Variants in FNDC3B observed in about 807,000 individuals in gnomAD.
The protein encoded by FNDC3B is fibronectin type III domain-containing protein 3B.
In FNDC3B, 12 loss-of-function variants were observed where a neutral mutation model predicts 151.5. That is an observed-to-expected ratio of 0.08 (90% CI 0.05 to 0.13). FNDC3B has a LOEUF of 0.13. Ranked by LOEUF, FNDC3B falls within the 10% of genes least tolerant of loss-of-function variation. FNDC3B has a pLI of 1.00. For missense variants in FNDC3B, 1,214 were observed against 1,505.3 expected (o/e 0.81, Z 3.20); for synonymous variants, 528 against 549.0 (o/e 0.96, Z 0.54).
At chr3:172,244,637 T>G (rs1327070193) in intron 4 of FNDC3B, among the ~76,000 whole-genome samples, 1 of 142,674 alleles carries the variant, frequency 7.0e-6, no homozygotes, top group Non-Finnish European at 1.5e-5. Context: ...TTTTTTTTTT[T>G]TTTTTGAGTC....
In FNDC3B at chr3:172,137,924, C is replaced by T. The variant is rs370648485; in HGVS notation, c.187+4378C>T. 3.9e-5 allele frequency among the ~76,000 whole-genome samples: 6 copies of T among 152,192 alleles called. No individual in the cohort carries two copies. In the East Asian group the frequency reaches 7.7e-4, roughly 20 times the overall value. ...GAGCTAATTGTTAGGAAAAAAGAAT[C>T]TTAGCAATCAGTATGAATTTTGCCT... On this transcript the variant is annotated intron_variant, in intron 3 of 25. Transcript: ENST00000415807.
At chr3:172,199,216 G>A (rs1174590712) in intron 3 of FNDC3B, among the ~76,000 whole-genome samples, 1 of 148,802 alleles carries the variant, frequency 6.7e-6, no homozygotes, top group Non-Finnish European at 1.5e-5. Flanking sequence ...GAGTCTCGCT[G>A]TCGCCCAGGC....
rs760727962 is a variant in FNDC3B, at chr3:172,329,087, T to C, written c.1379+11T>C. The C allele has an allele frequency of 2.5e-6, 4 of 1,603,068 alleles. 1 individual carries two copies. In the South Asian group the frequency reaches 4.5e-5, roughly 18 times the overall value. Reference sequence around the variant, plus strand: ...CGACATTGGTACCAGGTATGACGTTTCCTTGTCCTCTTGCCCTTCAGCCTT... The same window carrying C: ...CGACATTGGTACCAGGTATGACGTTCCCTTGTCCTCTTGCCCTTCAGCCTT... On this transcript the variant is annotated intron_variant, in intron 12 of 25. Transcript: ENST00000415807.
At chr3:172,052,170 C>T (rs556989415) in intron 1 of FNDC3B, among the ~76,000 whole-genome samples, 6 of 151,370 alleles carry the variant, frequency 4.0e-5, no homozygotes, top group South Asian at 2.1e-4. Flanking sequence ...CTGCAGCCTC[C>T]GCCTCCTGGG....
intron 3 of FNDC3B, among the ~76,000 whole-genome samples, chr3:172,196,748 A>C (rs1242640158): frequency 6.6e-6 from 1 of 152,204 alleles, no homozygotes; most frequent in Admixed American, 6.5e-5. Flanking sequence ...AGGATGAGCC[A>C]CACAGATGAT....
At chr3:172,143,859 A>G (rs1040708732) in intron 3 of FNDC3B, among the ~76,000 whole-genome samples, 1 of 152,008 alleles carries the variant, frequency 6.6e-6, no homozygotes, top group Non-Finnish European at 1.5e-5. Flanking sequence ...CAGTGAGCCG[A>G]GATCGTGCCA....
intron 23 of FNDC3B, among the ~76,000 whole-genome samples, chr3:172,375,353 G>C (rs137877193): frequency 1.4e-3 from 214 of 152,290 alleles, no homozygotes; most frequent in African/African-American, 4.9e-3. Flanking sequence ...AGTGTTTCTA[G>C]ATGGCCCAAT....
chr3:172,282,537 T>G (rs962075477), intron 6 of FNDC3B, among the ~76,000 whole-genome samples: 2 of 152,196 alleles, frequency 1.3e-5, no homozygotes, highest in Non-Finnish European at 2.9e-5. Flanking sequence ...AGGCCCACTT[T>G]TTAAATTCTT....
chr3:172,147,792 A>G (rs1721994733), intron 3 of FNDC3B, among the ~76,000 whole-genome samples: 1 of 151,246 alleles, frequency 6.6e-6, no homozygotes, highest in Non-Finnish European at 1.5e-5. Flanking sequence ...GGTTGGTGAC[A>G]TTTGTAAGAG....
chr3:172,189,109 G>A (rs1014923904), intron 3 of FNDC3B, among the ~76,000 whole-genome samples: 1 of 152,054 alleles, frequency 6.6e-6, no homozygotes, highest in African/African-American at 2.4e-5. Context: ...TCCAAGAAAT[G>A]GTGAACTTAC....
At chr3:172,290,077 T>C (rs1176708996) in intron 7 of FNDC3B, among the ~76,000 whole-genome samples, 1 of 152,344 alleles carries the variant, frequency 6.6e-6, no homozygotes, top group Non-Finnish European at 1.5e-5. Context: ...AGCAGAGCCA[T>C]GCAAAGTTGG....
intron 3 of FNDC3B, among the ~76,000 whole-genome samples, chr3:172,201,712 A>C (rs1725165335): frequency 1.3e-5 from 2 of 152,214 alleles, no homozygotes; most frequent in Admixed American, 6.5e-5. Context: ...GGCGTGTTAC[A>C]AGATGGCAGC....
chr3:172,255,488 T>C (rs575885260), intron 6 of FNDC3B, among the ~76,000 whole-genome samples: 7 of 152,330 alleles, frequency 4.6e-5, no homozygotes, highest in African/African-American at 1.7e-4. Context: ...CAGGCTTGTT[T>C]TGAACTCCTG....
chr3:172,198,604 A>T (rs532083707), intron 3 of FNDC3B, among the ~76,000 whole-genome samples: 2 of 152,260 alleles, frequency 1.3e-5, no homozygotes, highest in East Asian at 3.9e-4. Context: ...CTAGGCTCTG[A>T]TACCTGATGT....
At chr3:172,329,294 C>T (rs1732516948) in intron 12 of FNDC3B, 1 of 444,482 alleles carries the variant, frequency 2.2e-6, no homozygotes. Context: ...TGCGAAGGCC[C>T]CACTAGGGGT....
At chr3:172,173,847 G>A (rs1040463910) in intron 3 of FNDC3B, among the ~76,000 whole-genome samples, 1 of 151,958 alleles carries the variant, frequency 6.6e-6, no homozygotes, top group Non-Finnish European at 1.5e-5. Flanking sequence ...GGGGTGGGAA[G>A]CCTCCCGATG....
At chr3:172,100,508 A>C (rs992414310) in intron 1 of FNDC3B, among the ~76,000 whole-genome samples, 8 of 152,192 alleles carry the variant, frequency 5.3e-5, no homozygotes, top group South Asian at 2.1e-4. Flanking sequence ...TTGCATTTTT[A>C]TGTTTTCAAA....
At position 172,140,843 on chromosome 3, in the gene FNDC3B, T is replaced by A. The variant is rs997650291; in HGVS notation, c.187+7297T>A. On this transcript the variant is annotated intron_variant, in intron 3 of 25. Coordinates refer to ENST00000415807, the MANE Select transcript of FNDC3B (RefSeq NM_022763.4). ...TCTCCTTCTTCCTGTCTCAGTTATCTTGATTTTTATGTTTATTCTTATATT... is the reference window on the plus strand; with the variant it reads ...TCTCCTTCTTCCTGTCTCAGTTATCATGATTTTTATGTTTATTCTTATATT... 2.0e-5 allele frequency among the ~76,000 whole-genome samples: 3 copies of A among 152,254 alleles called. No homozygotes were observed. The East Asian group carries it at 5.8e-4, about 29-fold the overall frequency.
At chr3:172,228,596 A>G (rs572709044) in intron 4 of FNDC3B, among the ~76,000 whole-genome samples, 1 of 152,332 alleles carries the variant, frequency 6.6e-6, no homozygotes, top group African/African-American at 2.4e-5. Context: ...TCTGTAGAAA[A>G]TCCAAATAGA....
Sources: gnomAD v4.1 joint callset for allele counts (sites outside exome capture counted in the v4.1 genomes callset) on GRCh38, gnomAD v4.1.1 for gene constraint, MANE v1.5 for transcripts, NCBI Gene and HGNC (gene_info 2026-07-23, HGNC 2026-07-21) for gene names.